The following CELF2 variants were observed in gnomAD, a reference collection of about 807,000 sequenced individuals.
CELF2 encodes CUG triplet repeat RNA-binding protein 2.
CELF2 carries 8 observed loss-of-function variants against 62.6 expected under a neutral mutation model. The ratio of observed to expected loss-of-function variants is 0.13; its 90% confidence interval spans 0.07 to 0.23. The LOEUF is 0.23. Among genes scored for constraint, CELF2 ranks in the 10% least tolerant of loss-of-function variants. The pLI is 1.00. For synonymous variants in CELF2, 258 were observed against 250.0 expected, an observed-to-expected ratio of 1.03 and a Z score of -0.30; for missense variants, 333 against 671.0, an observed-to-expected ratio of 0.50 and a Z score of 5.56.
chr10:10,571,168 A>C, the CELF2 span, among the ~76,000 whole-genome samples: 4,276 of 152,306 alleles, frequency 0.028, 178 homozygotes, highest in African/African-American at 0.093. Context: ...AACATAAACA[A>C]ATGCGAGAAT....
the CELF2 span, among the ~76,000 whole-genome samples, chr10:10,555,159 C>A: frequency 6.6e-6 from 1 of 152,002 alleles, no homozygotes; most frequent in African/African-American, 2.4e-5. Flanking sequence ...AAGAATGCCA[C>A]CCAGAGGATA....
At chr10:10,765,311 C>G in the CELF2 span, among the ~76,000 whole-genome samples, 4 of 152,142 alleles carry the variant, frequency 2.6e-5, no homozygotes, top group Non-Finnish European at 4.4e-5. Context: ...GCGCAGGGCA[C>G]GAGGTGAGAG....
chr10:10,727,846 C>A, the CELF2 span, among the ~76,000 whole-genome samples: 1 of 151,688 alleles, frequency 6.6e-6, no homozygotes, highest in Admixed American at 6.6e-5. Flanking sequence ...TTATGGTATA[C>A]AGTTACTTTG....
At chr10:10,592,432 C>T in the CELF2 span, among the ~76,000 whole-genome samples, 1 of 152,162 alleles carries the variant, frequency 6.6e-6, no homozygotes, top group Admixed American at 6.5e-5. Context: ...AAATAATCAA[C>T]CTCAGACCTT....
At chr10:11,201,517 C>G (rs542061923) in intron 2 of CELF2, among the ~76,000 whole-genome samples, 43 of 152,324 alleles carry the variant, frequency 2.8e-4, no homozygotes, top group African/African-American at 1.0e-3. Context: ...AGCTCTGGCT[C>G]TTAAGCAGCA....
At chr10:11,171,219 G>A (rs1565070564) in intron 2 of CELF2, 1 of 152,214 alleles carries the variant, frequency 6.6e-6, no homozygotes, top group Non-Finnish European at 1.5e-5. Flanking sequence ...TTTCTGGATG[G>A]ATCAGAAATT....
chr10:11,307,820 G>A (rs1166658359), intron 9 of CELF2, among the ~76,000 whole-genome samples: 1 of 152,168 alleles, frequency 6.6e-6, no homozygotes, highest in African/African-American at 2.4e-5. Flanking sequence ...GCTGGGCCAG[G>A]ACCCTTTTTC....
the CELF2 span, among the ~76,000 whole-genome samples, chr10:10,562,352 G>A: frequency 6.6e-6 from 1 of 152,158 alleles, no homozygotes; most frequent in Non-Finnish European, 1.5e-5. Context: ...CACAATTAGT[G>A]ATGAATAATC....
chr10:10,492,157 T>G, the CELF2 span, among the ~76,000 whole-genome samples: 1 of 152,184 alleles, frequency 6.6e-6, no homozygotes, highest in Non-Finnish European at 1.5e-5. Context: ...ACTGTACTTC[T>G]CTGAAAATCT....
At chr10:10,905,484 C>T (rs143305767) in intron 1 of CELF2, among the ~76,000 whole-genome samples, 6 of 150,472 alleles carry the variant, frequency 4.0e-5, no homozygotes, top group East Asian at 4.0e-4. Context: ...GGCTCACGCC[C>T]GTTAATCCCA....
the CELF2 span, among the ~76,000 whole-genome samples, chr10:10,574,853 A>C: frequency 2.1e-5 from 3 of 141,022 alleles, no homozygotes; most frequent in South Asian, 7.0e-4. Flanking sequence ...AGGATTACAG[A>C]TGCCCGCCAC....
At chr10:10,904,360 G>A (rs1281711942) in intron 1 of CELF2, among the ~76,000 whole-genome samples, 2 of 151,944 alleles carry the variant, frequency 1.3e-5, no homozygotes, top group African/African-American at 4.8e-5. Context: ...CCAAGTAGCT[G>A]GGACTACCGG....
chr10:10,571,088 G>A, the CELF2 span, among the ~76,000 whole-genome samples: 11 of 152,142 alleles, frequency 7.2e-5, no homozygotes, highest in South Asian at 2.1e-4. Flanking sequence ...CATAACCGTC[G>A]GCCTTTTCAT....
chr10:10,528,159 TTGTG>T, the CELF2 span, among the ~76,000 whole-genome samples: 5 of 41,846 alleles, frequency 1.2e-4, no homozygotes, highest in East Asian at 3.0e-3. Context: ...GATTCCTGTT[TTGTG>T]TGTGTGTGTG....
rs145498413 is a variant in CELF2, at chr10:10,856,707, C to T, written c.53+57890C>T. On this transcript the variant is annotated intron_variant, in intron 1 of 13. Coordinates refer to the CELF2 transcript ENST00000636488. ...GTGCACTCATTTACATCCCTTTTCA[C>T]TTTCTCAAAGGATTTACTTCTGAAA... Among the ~76,000 whole-genome samples the T allele has an allele frequency of 3.9e-3, 588 of 152,308 alleles. 6 individuals are homozygous for T. The highest frequency in any genetic ancestry group is 0.017 in the South Asian group (82 of 4,828).
At chr10:10,576,729 C>CCACTCTGAT in the CELF2 span, among the ~76,000 whole-genome samples, 1 of 152,208 alleles carries the variant, frequency 6.6e-6, no homozygotes, top group South Asian at 2.1e-4. Context: ...CCAATTCTAT[C>CCACTCTGAT]CACTCTGATC....
chr10:10,712,153 A>C, the CELF2 span, among the ~76,000 whole-genome samples: 2 of 140,068 alleles, frequency 1.4e-5, no homozygotes, highest in African/African-American at 5.9e-5. Flanking sequence ...GAGACAAAAA[A>C]AAAAAAAAAA....
At chr10:10,875,409 A>G (rs2061019286) in intron 1 of CELF2, among the ~76,000 whole-genome samples, 1 of 152,204 alleles carries the variant, frequency 6.6e-6, no homozygotes, top group African/African-American at 2.4e-5. Flanking sequence ...ATTTTTATAT[A>G]GTCTGCTCCA....
chr10:10,611,783 G>A, the CELF2 span, among the ~76,000 whole-genome samples: 1 of 152,190 alleles, frequency 6.6e-6, no homozygotes, highest in African/African-American at 2.4e-5. Flanking sequence ...TACAGGTATA[G>A]ATATTGATGT....
Sources: gnomAD v4.1 joint callset for allele counts (sites outside exome capture counted in the v4.1 genomes callset) on GRCh38, gnomAD v4.1.1 for gene constraint, MANE v1.5 for transcripts, NCBI Gene and HGNC (gene_info 2026-07-23, HGNC 2026-07-21) for gene names.